Variants in MACROD2 observed in about 807,000 individuals in gnomAD.
MACROD2 encodes the protein mono-ADP ribosylhydrolase 2.
MACROD2 carries 36 observed loss-of-function variants against 70.4 expected under a neutral mutation model. That is an observed-to-expected ratio of 0.51 (90% CI 0.39 to 0.68). The LOEUF (loss-of-function observed/expected upper bound fraction) is 0.68, where lower values mean the gene tolerates loss of function less well. Among genes scored for constraint, MACROD2 ranks in the 30% least tolerant of loss-of-function variants. The probability of loss-of-function intolerance (pLI) is 0.00; values close to 1 mark genes in which losing one functional copy is unlikely to be tolerated. For missense variants in MACROD2, 496 were observed against 538.4 expected (o/e 0.92, Z 0.78); for synonymous variants, 172 against 178.8 (o/e 0.96, Z 0.30).
At chr20:14,216,746 T>A (rs1240801849) in intron 3 of MACROD2, among the ~76,000 whole-genome samples, 1 of 152,142 alleles carries the variant, frequency 6.6e-6, no homozygotes, top group East Asian at 1.9e-4. Context: ...TATTCCTAAG[T>A]ATTTTATTTT....
At chr20:15,290,647 G>T (rs1349089647) in intron 6 of MACROD2, among the ~76,000 whole-genome samples, 2 of 152,214 alleles carry the variant, frequency 1.3e-5, no homozygotes, top group African/African-American at 2.4e-5. Context: ...ACCAAGCCGT[G>T]AAATCACAAC....
intron 4 of MACROD2, among the ~76,000 whole-genome samples, chr20:14,590,158 C>A (rs1981668081): frequency 6.6e-6 from 1 of 151,724 alleles, no homozygotes; most frequent in South Asian, 2.1e-4. Flanking sequence ...CATATGTTAC[C>A]CAAACTGGAA....
chr20:14,601,380 A>G (rs1821320875), intron 4 of MACROD2, among the ~76,000 whole-genome samples: 1 of 152,150 alleles, frequency 6.6e-6, no homozygotes, highest in Non-Finnish European at 1.5e-5. Context: ...GGGATATGAC[A>G]GGAGGCGGTG....
At chr20:14,967,391 T>G (rs556306438) in intron 5 of MACROD2, among the ~76,000 whole-genome samples, 55 of 152,230 alleles carry the variant, frequency 3.6e-4, no homozygotes, top group African/African-American at 1.3e-3. Context: ...CTCGAATTCC[T>G]GAACTCAGGC....
intron 5 of MACROD2, among the ~76,000 whole-genome samples, chr20:14,817,305 T>C (rs2122195108): frequency 6.6e-6 from 1 of 152,290 alleles, no homozygotes; most frequent in African/African-American, 2.4e-5. Flanking sequence ...GCCAGTTTTC[T>C]CATTAAGAAC....
intron 5 of MACROD2, among the ~76,000 whole-genome samples, chr20:14,769,217 T>C (rs191729817): frequency 1.2e-4 from 18 of 152,218 alleles, no homozygotes; most frequent in Admixed American, 1.1e-3. Context: ...AAATATTAAA[T>C]TAAATTGGTT....
intron 5 of MACROD2, among the ~76,000 whole-genome samples, chr20:15,169,298 C>T (rs967861666): frequency 2.6e-5 from 4 of 152,154 alleles, no homozygotes; most frequent in Non-Finnish European, 4.4e-5. Context: ...TTCAGCATGA[C>T]ATCAGATGGA....
chr20:14,193,908 T>C (rs1352743114), intron 3 of MACROD2, among the ~76,000 whole-genome samples: 1 of 152,146 alleles, frequency 6.6e-6, no homozygotes, highest in Non-Finnish European at 1.5e-5. Context: ...GTCTCAGTCT[T>C]ATAATAGGGA....
intron 5 of MACROD2, among the ~76,000 whole-genome samples, chr20:15,174,231 C>T (rs967102153): frequency 8.5e-5 from 13 of 152,138 alleles, no homozygotes; most frequent in African/African-American, 3.1e-4. Flanking sequence ...TGTATGGTTT[C>T]TTCATATCTG....
chr20:14,191,979 G>A (rs2081392411), intron 3 of MACROD2, among the ~76,000 whole-genome samples: 1 of 151,022 alleles, frequency 6.6e-6, no homozygotes, highest in African/African-American at 2.4e-5. Flanking sequence ...TGTATAGTTT[G>A]TGGGGGAGGG....
At chr20:14,238,667 C>T (rs564734605) in intron 3 of MACROD2, among the ~76,000 whole-genome samples, 2 of 152,268 alleles carry the variant, frequency 1.3e-5, no homozygotes, top group South Asian at 4.1e-4. Context: ...CCCACAGTCT[C>T]TACCCAAAAG....
chr20:14,988,930 C>G (rs930481483), intron 5 of MACROD2, among the ~76,000 whole-genome samples: 2 of 151,928 alleles, frequency 1.3e-5, no homozygotes, highest in African/African-American at 4.8e-5. Context: ...TAAAAATATA[C>G]TTTCACATGG....
chr20:16,049,122 T>G (rs140053463), intron 17 of MACROD2, among the ~76,000 whole-genome samples: 219 of 151,902 alleles, frequency 1.4e-3, no homozygotes, highest in African/African-American at 5.1e-3. Context: ...TTTATGGAGA[T>G]AGAAATCAGA....
At chr20:14,937,483 A>G (rs890219928) in intron 5 of MACROD2, among the ~76,000 whole-genome samples, 1 of 152,286 alleles carries the variant, frequency 6.6e-6, no homozygotes. Context: ...GACTTATCTT[A>G]TCACAAAATG....
At chr20:15,082,499 T>C (rs2075711782) in intron 5 of MACROD2, among the ~76,000 whole-genome samples, 1 of 151,190 alleles carries the variant, frequency 6.6e-6, no homozygotes, top group Non-Finnish European at 1.5e-5. Context: ...AATGTTCCTT[T>C]ATCACAATGT....
intron 10 of MACROD2, among the ~76,000 whole-genome samples, chr20:15,915,671 G>C (rs2065303666): frequency 6.6e-6 from 1 of 152,202 alleles, no homozygotes; most frequent in Non-Finnish European, 1.5e-5. Context: ...CAAAGGCACA[G>C]GGGTGTGGGG....
At chr20:15,354,167 G>A (rs927062291) in intron 6 of MACROD2, among the ~76,000 whole-genome samples, 5 of 151,892 alleles carry the variant, frequency 3.3e-5, no homozygotes, top group African/African-American at 1.2e-4. Context: ...ATACTATGCA[G>A]CCATAAAAAA....
chr20:15,823,190 C>T (rs150752921), intron 8 of MACROD2, among the ~76,000 whole-genome samples: 4 of 151,790 alleles, frequency 2.6e-5, no homozygotes, highest in East Asian at 1.9e-4. Context: ...ATAGCTTTAA[C>T]GATGACTTTA....
intron 4 of MACROD2, among the ~76,000 whole-genome samples, chr20:14,583,440 C>G (rs1981174026): frequency 6.6e-6 from 1 of 152,136 alleles, no homozygotes; most frequent in African/African-American, 2.4e-5. Context: ...CCTAGTTTCC[C>G]AAAGAAGTAG....
Sources: allele counts gnomAD v4.1 joint callset (sites outside exome capture counted in the v4.1 genomes callset), GRCh38; gene constraint gnomAD v4.1.1; transcripts MANE v1.5; gene names NCBI Gene and HGNC (gene_info 2026-07-23, HGNC 2026-07-21).